The following NME5 variants were observed in gnomAD, a reference collection of about 807,000 sequenced individuals.
NME5 encodes the protein nucleoside diphosphate kinase 5.
Under a neutral mutation model 21.6 loss-of-function variants are expected in NME5, and 18 were observed. That is an observed-to-expected ratio of 0.83 (90% confidence interval 0.58 to 1.24). NME5 has a LOEUF of 1.24. Ranked by LOEUF, NME5 falls within the 50% of genes most tolerant of loss-of-function variation. The pLI, the probability that NME5 is intolerant of heterozygous loss-of-function variation, is 0.00. For missense variants in NME5, 223 were observed against 255.4 expected (o/e 0.87, Z 0.86); for synonymous variants, 70 against 80.6 (o/e 0.87, Z 0.71).
chr5:138,125,335 T>G (rs1380556428), intron 4 of NME5, among the ~76,000 whole-genome samples: 4 of 152,326 alleles, frequency 2.6e-5, no homozygotes, highest in South Asian at 4.1e-4. Context: ...AAATGGAATA[T>G]AGCAAAACTT....
At position 138,134,542 on chromosome 5, in the gene NME5, C is replaced by A. The variant is rs530605929; in HGVS notation, c.129+4110G>T. Among the ~76,000 whole-genome samples, 6 of 152,130 alleles carry A rather than the reference C, an allele frequency of 3.9e-5. No homozygotes were observed. The East Asian group carries it at 1.2e-3, about 29-fold the overall frequency. ...TACAGGCATGAGCCACCGCACCCAGCCCTAATTTTGGATTTTTAGTAGAGA... is the reference window on the plus strand; with the variant it reads ...TACAGGCATGAGCCACCGCACCCAGACCTAATTTTGGATTTTTAGTAGAGA... On this transcript the variant is annotated intron_variant, in intron 2 of 5. Coordinates refer to ENST00000265191, the MANE Select transcript of NME5 (RefSeq NM_003551.3).
At chr5:138,132,042 G>A (rs1457069206) in intron 2 of NME5, among the ~76,000 whole-genome samples, 1 of 152,144 alleles carries the variant, frequency 6.6e-6, no homozygotes, top group Non-Finnish European at 1.5e-5. Flanking sequence ...ACCGCGCCCG[G>A]CCTTGAGAGC....
At chr5:138,124,707 G>T (rs1319653156) in intron 4 of NME5, among the ~76,000 whole-genome samples, 1 of 151,998 alleles carries the variant, frequency 6.6e-6, no homozygotes, top group African/African-American at 2.4e-5. Context: ...TTTTGGTAGA[G>T]ACAGGGTCTT....
At chr5:138,127,809 T>A (rs1751457869) in intron 4 of NME5, 1 of 408,888 alleles carries the variant, frequency 2.4e-6, no homozygotes, top group Admixed American at 6.4e-5. Flanking sequence ...TCAAATGTAG[T>A]TTCCTAGAGA....
chr5:138,116,040 C>G (rs1299840395), intron 5 of NME5, among the ~76,000 whole-genome samples: 1 of 152,102 alleles, frequency 6.6e-6, no homozygotes, highest in Non-Finnish European at 1.5e-5. Flanking sequence ...CTAATAAATT[C>G]AGCGAAGATG....
At chr5:138,122,253 A>C (rs1286929601) in intron 4 of NME5, among the ~76,000 whole-genome samples, 2 of 151,648 alleles carry the variant, frequency 1.3e-5, no homozygotes, top group Admixed American at 1.3e-4. Context: ...AGCCTGCCCA[A>C]CGTGGCGAAA....
intron 2 of NME5, chr5:138,138,433 G>A: frequency 2.3e-6 from 1 of 425,906 alleles, no homozygotes; most frequent in Non-Finnish European, 4.2e-6. Flanking sequence ...TCTGGAGCCT[G>A]GGACTTGGGG....
chr5:138,124,260 C>T (rs1751351308), intron 4 of NME5, among the ~76,000 whole-genome samples: 1 of 151,982 alleles, frequency 6.6e-6, no homozygotes, highest in South Asian at 2.1e-4. Flanking sequence ...GCCTCGGCCT[C>T]CCAAAGAGCT....
At chr5:138,131,195 C>T (rs765836003) in intron 2 of NME5, among the ~76,000 whole-genome samples, 2 of 137,172 alleles carry the variant, frequency 1.5e-5, no homozygotes, top group Non-Finnish European at 3.1e-5. Context: ...GATGAAACCC[C>T]GTCTCTGCTA....
chr5:138,137,600 G>A (rs903010527), intron 2 of NME5, among the ~76,000 whole-genome samples: 3 of 150,986 alleles, frequency 2.0e-5, no homozygotes, highest in African/African-American at 7.3e-5. Flanking sequence ...ACAGGCGTGA[G>A]CCACCGTACC....
At chr5:138,137,568 G>A (rs1462708930) in intron 2 of NME5, among the ~76,000 whole-genome samples, 5 of 150,988 alleles carry the variant, frequency 3.3e-5, no homozygotes, top group Non-Finnish European at 5.9e-5. Context: ...CACCCATCTC[G>A]GCCTCCCAAA....
At chr5:138,132,085 C>T (rs1467649308) in intron 2 of NME5, among the ~76,000 whole-genome samples, 1 of 152,210 alleles carries the variant, frequency 6.6e-6, no homozygotes, top group East Asian at 1.9e-4. Context: ...GCTGGCCAGG[C>T]TCGGTGGCTC....
intron 1 of NME5, chr5:138,139,017 C>G (rs538058075): frequency 7.6e-5 from 28 of 368,728 alleles, no homozygotes; most frequent in African/African-American, 5.8e-4. Context: ...TATACGATGT[C>G]ACCAAGGCAG....
rs751704859 is a variant in NME5 at position 138,115,672 on chromosome 5, A to AT, written c.*8dup. 3.1e-3 allele frequency: 4,289 copies of AT among 1,405,200 alleles called. 2 individuals carry two copies. The highest frequency in any genetic ancestry group is 8.9e-3 in the African/African-American group (607 of 68,154). The allele number at this position is 1,405,200 out of a possible 1,614,324, so 87.0% of individuals were successfully genotyped here. On this transcript the variant is annotated 3_prime_UTR_variant, in exon 6 of 6. Transcript: ENST00000265191. The stretch of plus-strand genomic sequence containing the variant: ...TAGTTCATGATTTGTTCTTTCGAGG[A>AT]TTTTTTTTTTAATAAGGTTCTTCTA...
intron 4 of NME5, among the ~76,000 whole-genome samples, chr5:138,119,846 T>C (rs1007625312): frequency 2.0e-5 from 3 of 152,034 alleles, no homozygotes; most frequent in Admixed American, 6.6e-5. Flanking sequence ...AGGAGTTCTT[T>C]ATATATTCTA....
At chr5:138,117,032 A>AC (rs1386692372) in intron 5 of NME5, among the ~76,000 whole-genome samples, 3 of 151,940 alleles carry the variant, frequency 2.0e-5, no homozygotes, top group South Asian at 2.1e-4. Context: ...ACATAGGGAG[A>AC]CCCCATCTCT....
At chr5:138,119,033 T>G (rs1026389766) in intron 4 of NME5, 97 bp from the exon 5 acceptor site, 5 of 692,498 alleles carry the variant, frequency 7.2e-6, no homozygotes, top group Non-Finnish European at 1.2e-5. Context: ...TCTCTATTTT[T>G]TTATATGTTT....
intron 2 of NME5, among the ~76,000 whole-genome samples, chr5:138,131,462 T>C (rs1485140786): frequency 6.6e-6 from 1 of 151,146 alleles, no homozygotes; most frequent in African/African-American, 2.4e-5. Context: ...AGCATGAGAA[T>C]TGCTTGAACC....
At chr5:138,130,926 A>AAAAAAAG (rs1364810687) in intron 2 of NME5, among the ~76,000 whole-genome samples, 4 of 150,396 alleles carry the variant, frequency 2.7e-5, no homozygotes, top group Non-Finnish European at 5.9e-5. Context: ...ACTCCGTCTA[A>AAAAAAAG]AAAAAAGAAA....
Sources: gnomAD v4.1 joint callset for allele counts (sites outside exome capture counted in the v4.1 genomes callset) on GRCh38, gnomAD v4.1.1 for gene constraint, MANE v1.5 for transcripts, NCBI Gene and HGNC (gene_info 2026-07-23, HGNC 2026-07-21) for gene names.